GARIN3: variants seen among roughly 807,000 people sequenced by gnomAD.
GARIN3 encodes the protein golgi associated RAB2 interactor family member 3, also known as Golgi-associated RAB2 interactor protein 3.
At chr5:157,162,673 G>A in the GARIN3 span, 4 of 1,614,156 alleles carry the variant, frequency 2.5e-6, no homozygotes, top group Non-Finnish European at 3.4e-6. Flanking sequence ...GATCTTACTG[G>A]CTTTCTTTTG....
the GARIN3 span, chr5:157,162,491 A>C: frequency 1.2e-6 from 2 of 1,613,850 alleles, no homozygotes; most frequent in Non-Finnish European, 1.7e-6. Flanking sequence ...GTCTTCTCGG[A>C]TGTCATAGTG....
the GARIN3 span, chr5:157,162,293 A>G: frequency 8.4e-7 from 1 of 1,186,384 alleles, no homozygotes; most frequent in Admixed American, 2.4e-5. Flanking sequence ...TGAGGTCACC[A>G]CCAGGCTATG....
chr5:157,162,598 C>G, the GARIN3 span: 5 of 1,614,100 alleles, frequency 3.1e-6, no homozygotes, highest in Non-Finnish European at 3.4e-6. Flanking sequence ...ATCTACCTCT[C>G]TGTCATGTGA....
At chr5:157,164,081 GAAAGAAA>G in the GARIN3 span, among the ~76,000 whole-genome samples, 4 of 132,472 alleles carry the variant, frequency 3.0e-5, no homozygotes, top group Non-Finnish European at 6.5e-5. Context: ...AAGAAAGAAA[GAAAGAAA>G]AAAGAAAAAA....
chr5:157,163,391 C>A, the GARIN3 span: 1 of 1,614,176 alleles, frequency 6.2e-7, no homozygotes, highest in Non-Finnish European at 8.5e-7. Flanking sequence ...GCACCTGTTG[C>A]AGGACTCATT....
chr5:157,164,849 A>G, the GARIN3 span, among the ~76,000 whole-genome samples: 2 of 95,352 alleles, frequency 2.1e-5, no homozygotes, highest in South Asian at 4.9e-4. Flanking sequence ...CATCTCCACT[A>G]AAAAAAAAAA....
the GARIN3 span, chr5:157,162,077 AGAG>A: frequency 2.4e-5 from 6 of 252,758 alleles, no homozygotes; most frequent in Admixed American, 3.0e-4. Context: ...TTCAGGGAAA[AGAG>A]GAGAATGGGC....
At chr5:157,164,189 G>A in the GARIN3 span, among the ~76,000 whole-genome samples, 22 of 129,160 alleles carry the variant, frequency 1.7e-4, no homozygotes, top group South Asian at 2.1e-3. Flanking sequence ...TTGCTCTGTC[G>A]CCCAGGCTAG....
At chr5:157,162,165 T>G in the GARIN3 span, 1 of 458,312 alleles carries the variant, frequency 2.2e-6, no homozygotes, top group Non-Finnish European at 3.8e-6. Context: ...GCAAAAGGGA[T>G]TGAGGCAAAG....
chr5:157,162,269 C>T, the GARIN3 span: 5 of 941,304 alleles, frequency 5.3e-6, no homozygotes, highest in Non-Finnish European at 7.8e-6. Context: ...TAGCCACCAT[C>T]ACAGAAGCCA....
At chr5:157,163,874 A>C in the GARIN3 span, among the ~76,000 whole-genome samples, 12 of 152,242 alleles carry the variant, frequency 7.9e-5, no homozygotes, top group East Asian at 2.3e-3. Context: ...TTGCCAACAT[A>C]GCAAAACCCC....
chr5:157,165,902 C>T, the GARIN3 span: 1 of 1,614,062 alleles, frequency 6.2e-7, no homozygotes, highest in Non-Finnish European at 8.5e-7. Flanking sequence ...TTGGTTGGGC[C>T]AGAACCATGA....
chr5:157,163,672 A>C, the GARIN3 span: 1 of 1,603,410 alleles, frequency 6.2e-7, no homozygotes, highest in Non-Finnish European at 8.5e-7. Flanking sequence ...TACCAAGGGG[A>C]AGAGAAACAG....
the GARIN3 span, chr5:157,163,362 G>C: frequency 1.3e-4 from 212 of 1,613,954 alleles, 6 homozygotes; most frequent in East Asian, 9.8e-4. Flanking sequence ...CTGCAGATTT[G>C]GTTGTTGCTA....
chr5:157,162,739 G>A, the GARIN3 span: 1 of 1,614,144 alleles, frequency 6.2e-7, no homozygotes, highest in Non-Finnish European at 8.5e-7. Context: ...AGTTGTTCTC[G>A]ACTCCTTTTT....
At chr5:157,163,104 T>C in the GARIN3 span, 1 of 1,614,260 alleles carries the variant, frequency 6.2e-7, no homozygotes, top group East Asian at 2.2e-5. Context: ...CAGTTCTTTC[T>C]GCTGCACACT....
At chr5:157,162,837 C>T in the GARIN3 span, 9,697 of 1,614,160 alleles carry the variant, frequency 6.0e-3, 39 homozygotes, top group Non-Finnish European at 7.3e-3. Context: ...TGTCATCTCT[C>T]GTGTTTTTAT....
At chr5:157,162,146 C>A in the GARIN3 span, 1 of 404,710 alleles carries the variant, frequency 2.5e-6, no homozygotes, top group Non-Finnish European at 4.4e-6. Flanking sequence ...CTTTGACAGT[C>A]TCGGGGAAGC....
chr5:157,165,646 G>A, the GARIN3 span: 3 of 1,614,196 alleles, frequency 1.9e-6, no homozygotes, highest in Non-Finnish European at 1.7e-6. Flanking sequence ...GGTGGCCTCA[G>A]GAGATAGACA....
Sources: gnomAD v4.1 joint callset for allele counts (sites outside exome capture counted in the v4.1 genomes callset) on GRCh38, gnomAD v4.1.1 for gene constraint, MANE v1.5 for transcripts, NCBI Gene and HGNC (gene_info 2026-07-23, HGNC 2026-07-21) for gene names.